CGGBP1: variants seen among roughly 807,000 people sequenced by gnomAD.
The protein encoded by CGGBP1 is CGG triplet repeat-binding protein 1.
A neutral mutation model predicts 11.4 loss-of-function variants in CGGBP1; 4 were observed. The ratio of observed to expected loss-of-function variants is 0.35; its 90% CI spans 0.17 to 0.80. CGGBP1 has a LOEUF of 0.80. Ranked by LOEUF, CGGBP1 falls within the 30% of genes least tolerant of loss-of-function variation. CGGBP1 has a pLI of 0.52. For synonymous variants in CGGBP1, 76 were observed against 74.1 expected (o/e 1.03, Z -0.13); for missense variants, 135 against 202.1 (o/e 0.67, Z 2.01).
chr3:88,118,505 A>G (rs1213224586), intron 2 of CGGBP1, among the ~76,000 whole-genome samples: 3 of 152,116 alleles, frequency 2.0e-5, no homozygotes, highest in African/African-American at 7.2e-5. Context: ...CAAACCTCCC[A>G]GATTTTATTA....
At chr3:88,144,103 G>T (rs1186227683) in intron 1 of CGGBP1, 1 of 152,216 alleles carries the variant, frequency 6.6e-6, no homozygotes, top group African/African-American at 2.4e-5. Context: ...TTAAATTTCT[G>T]CTGTGTGTCA....
At chr3:88,076,377 T>TC (rs937723121) in intron 2 of CGGBP1, among the ~76,000 whole-genome samples, 29 of 152,300 alleles carry the variant, frequency 1.9e-4, no homozygotes, top group African/African-American at 6.3e-4. Flanking sequence ...TAATTTTTTT[T>TC]CCCCATTTTC....
At chr3:88,062,684 TA>T (rs1346682591), upstream of CGGBP1, among the ~76,000 whole-genome samples, 1 of 152,146 alleles carries the variant, frequency 6.6e-6, no homozygotes, top group Non-Finnish European at 1.5e-5. Context: ...TAATGAGTAA[TA>T]AAAAAGGATT....
intron 2 of CGGBP1, among the ~76,000 whole-genome samples, chr3:88,085,902 TTTTC>T (rs1010262419): frequency 1.3e-5 from 2 of 152,180 alleles, no homozygotes; most frequent in Non-Finnish European, 2.9e-5. Context: ...TCGTTTCTAA[TTTTC>T]TTTATTACTA....
At chr3:88,079,236 C>T (rs988313937) in intron 2 of CGGBP1, among the ~76,000 whole-genome samples, 4 of 151,970 alleles carry the variant, frequency 2.6e-5, no homozygotes, top group Admixed American at 6.6e-5. Flanking sequence ...TCTTATGTTC[C>T]ATATTGGGAG....
chr3:88,124,842 A>G (rs1705992282), intron 2 of CGGBP1, among the ~76,000 whole-genome samples: 1 of 151,492 alleles, frequency 6.6e-6, no homozygotes, highest in Non-Finnish European at 1.5e-5. Context: ...CTATTTATGC[A>G]TTTTTGAAAA....
In CGGBP1 at chr3:88,139,600, C is replaced by T. The variant is rs745307128; in HGVS notation, c.-229+1370G>A. On this transcript the variant is annotated intron_variant, in intron 2 of 3. Transcript: ENST00000462901. Reference sequence around the variant, plus strand: ...AAGGATTTGGAAGTGGAGACACTTACTGCTTCTAGTGAAGGAAACAAAGAA... The same window carrying T: ...AAGGATTTGGAAGTGGAGACACTTATTGCTTCTAGTGAAGGAAACAAAGAA... The T allele has an allele frequency of 3.3e-5, 53 of 1,613,722 alleles. No individual in the cohort carries two copies. In the Admixed American group the frequency reaches 8.5e-4, roughly 26 times the overall value.
chr3:88,139,551 T>C (rs1706992144), intron 2 of CGGBP1: 2 of 1,613,522 alleles, frequency 1.2e-6, no homozygotes, highest in African/African-American at 1.3e-5. Context: ...TTCCATTTCA[T>C]TTGAAAATGG....
At chr3:88,148,913 T>C (rs1707357695) in intron 1 of CGGBP1, among the ~76,000 whole-genome samples, 1 of 152,148 alleles carries the variant, frequency 6.6e-6, no homozygotes, top group Non-Finnish European at 1.5e-5. Flanking sequence ...AGTGCTGAGA[T>C]TACAGGCGTG....
At chr3:88,146,673 C>T (rs937258118) in intron 1 of CGGBP1, among the ~76,000 whole-genome samples, 1 of 152,092 alleles carries the variant, frequency 6.6e-6, no homozygotes, top group Admixed American at 6.5e-5. Context: ...ATTTAAACCC[C>T]GCACCTACCC....
chr3:88,134,075 C>G (rs749493507), intron 2 of CGGBP1, among the ~76,000 whole-genome samples: 5 of 151,174 alleles, frequency 3.3e-5, no homozygotes, highest in Non-Finnish European at 7.4e-5. Flanking sequence ...GGTATGAAAC[C>G]TTGTGAGAGT....
chr3:88,062,907 A>G (rs1376524985), upstream of CGGBP1, among the ~76,000 whole-genome samples: 1 of 152,248 alleles, frequency 6.6e-6, no homozygotes, highest in East Asian at 1.9e-4. Context: ...TATGAGGGAC[A>G]TTAGAGATAA....
intron 2 of CGGBP1, among the ~76,000 whole-genome samples, chr3:88,137,471 T>C (rs1373348643): frequency 6.6e-6 from 1 of 152,190 alleles, no homozygotes; most frequent in Non-Finnish European, 1.5e-5. Flanking sequence ...CCAACTTTTA[T>C]GCTAACCATA....
chr3:88,116,712 C>T (rs748432060), intron 2 of CGGBP1, among the ~76,000 whole-genome samples: 5 of 151,920 alleles, frequency 3.3e-5, no homozygotes, highest in African/African-American at 4.8e-5. Context: ...ATGCAGCCAG[C>T]CCCATTACCC....
At chr3:88,099,657 C>A (rs943219797) in intron 2 of CGGBP1, among the ~76,000 whole-genome samples, 7 of 152,160 alleles carry the variant, frequency 4.6e-5, no homozygotes, top group African/African-American at 1.7e-4. Context: ...ACAGAGCCCT[C>A]AGAAATAATA....
At chr3:88,147,560 C>T (rs1197152825) in intron 1 of CGGBP1, among the ~76,000 whole-genome samples, 2 of 152,198 alleles carry the variant, frequency 1.3e-5, no homozygotes. Flanking sequence ...TATATCTACA[C>T]TATCCAAGAC....
intron 2 of CGGBP1, chr3:88,086,524 A>C: frequency 2.2e-6 from 2 of 900,228 alleles, no homozygotes; most frequent in Non-Finnish European, 3.1e-6. Context: ...AGAAATGTTT[A>C]TTTTTTTCAC....
chr3:88,059,446 G>C (rs747122309), upstream of CGGBP1: 5 of 1,520,842 alleles, frequency 3.3e-6, no homozygotes, highest in South Asian at 3.6e-5. Flanking sequence ...CGCTGGCAGC[G>C]GCAACTGCGG....
chr3:88,088,423 G>A (rs1011302966), intron 2 of CGGBP1, among the ~76,000 whole-genome samples: 1 of 151,748 alleles, frequency 6.6e-6, no homozygotes, highest in Non-Finnish European at 1.5e-5. Context: ...CATTTTTAGA[G>A]AGAATTGAGA....
Sources: gnomAD v4.1 joint callset for allele counts (sites outside exome capture counted in the v4.1 genomes callset) on GRCh38, gnomAD v4.1.1 for gene constraint, MANE v1.5 for transcripts, NCBI Gene and HGNC (gene_info 2026-07-23, HGNC 2026-07-21) for gene names.